RBM17: variants seen among roughly 807,000 people sequenced by gnomAD.
RBM17 encodes splicing factor 45.
In RBM17, 7 loss-of-function variants were observed where a neutral mutation model predicts 53.2. The ratio of observed to expected loss-of-function variants is 0.13; its 90% CI spans 0.07 to 0.25. RBM17 has a LOEUF of 0.25. RBM17 is among the 10% of genes least tolerant of loss of function. The probability of loss-of-function intolerance (pLI) is 1.00; values close to 1 mark genes in which losing one functional copy is unlikely to be tolerated. For synonymous variants in RBM17, 167 were observed against 178.1 expected, an observed-to-expected ratio of 0.94 and a Z score of 0.50; for missense variants, 257 against 496.7, an observed-to-expected ratio of 0.52 and a Z score of 4.59.
intron 1 of RBM17, among the ~76,000 whole-genome samples, chr10:6,090,620 C>T (rs986129072): frequency 1.3e-5 from 2 of 152,114 alleles, no homozygotes; most frequent in African/African-American, 4.8e-5. Flanking sequence ...TCCCATTCTC[C>T]CCTGCCTATG....
chr10:6,106,297 A>C, intron 5 of RBM17, 59 bp downstream of exon 5: 1 of 1,136,108 alleles, frequency 8.8e-7, no homozygotes, highest in Non-Finnish European at 1.3e-6. Flanking sequence ...CAATTCCACT[A>C]TGTGCTTTTT....
chr10:6,095,522 A>G (rs534942312), intron 1 of RBM17, among the ~76,000 whole-genome samples: 28 of 152,206 alleles, frequency 1.8e-4, no homozygotes, highest in African/African-American at 6.7e-4. Context: ...CCATCCCTTC[A>G]TTCTTATGTG....
At chr10:6,110,905 G>T (rs571898949) in intron 7 of RBM17, among the ~76,000 whole-genome samples, 1 of 152,310 alleles carries the variant, frequency 6.6e-6, no homozygotes, top group African/African-American at 2.4e-5. Flanking sequence ...GGCCGTGGCT[G>T]CAGGAAGCTT....
At chr10:6,093,009 CTATT>C (rs1287869704) in intron 1 of RBM17, among the ~76,000 whole-genome samples, 2 of 152,166 alleles carry the variant, frequency 1.3e-5, no homozygotes, top group African/African-American at 4.8e-5. Flanking sequence ...CATTAATTCA[CTATT>C]TAATTTTTGC....
In RBM17 at chr10:6,112,205, G is replaced by A. The variant is rs367924896; in HGVS notation, c.705-5G>A. The A allele has an allele frequency of 4.3e-6, 7 of 1,610,696 alleles. No homozygotes were observed. The highest frequency in any genetic ancestry group is 1.1e-5 in the South Asian group (1 of 91,044). On this transcript the variant is annotated splice_region_variant and splice_polypyrimidine_tract_variant and intron_variant, in intron 7 of 11. Coordinates refer to ENST00000379888, the MANE Select transcript of RBM17 (RefSeq NM_032905.5). This position sits in a 1 kb window ranked among gnomAD's most constrained non-coding sequence, Gnocchi z 4.4. ...TAAGAGTCCTTTCCCTTCTTCTCCT[G>A]CCAGGGGCACGGTGGCGCACAAGAT...
chr10:6,112,156 A>C lies in RBM17; in HGVS notation c.705-54A>C. 6.3e-7 allele frequency: 1 copy of C among 1,582,536 alleles called. No homozygotes were observed. Among genetic ancestry groups the C allele is most frequent in the South Asian group, 1.1e-5 (1 of 88,584 alleles). ...TTGTTGTGATGGAAAAATGCAACCT[A>C]TCTCCAGTTGACGATGTCAAGGCTA... On this transcript the variant is annotated intron_variant, in intron 7 of 11. Coordinates refer to ENST00000379888, the MANE Select transcript of RBM17 (RefSeq NM_032905.5). The surrounding 1 kb of genome is among the most constrained non-coding windows in gnomAD (Gnocchi z 4.4).
chr10:6,090,734 A>G (rs1201199844), intron 1 of RBM17, among the ~76,000 whole-genome samples: 2 of 152,110 alleles, frequency 1.3e-5, no homozygotes, highest in African/African-American at 4.8e-5. Context: ...TTATTCGCCT[A>G]AATTACAGGT....
chr10:6,105,893 C>T lies in RBM17; in HGVS notation c.408-248C>T, dbSNP rs539310769. 4.6e-5 allele frequency among the ~76,000 whole-genome samples: 7 copies of T among 152,034 alleles called. No homozygotes were observed. The East Asian group carries it at 1.3e-3, about 29-fold the overall frequency. On this transcript the variant is annotated intron_variant, in intron 4 of 11. Transcript: ENST00000379888. The stretch of plus-strand genomic sequence containing the variant: ...TTGGAAGAGGTCAATGTCAAGGAAC[C>T]TTTTTTTTCATGCTGGTTGCTCTCG...
In RBM17 at chr10:6,092,570, C is replaced by T. The variant is rs548776399; in HGVS notation, c.-19+3377C>T. Among the ~76,000 whole-genome samples the T allele has an allele frequency of 2.6e-5, 4 of 152,214 alleles. No homozygotes were observed. In the South Asian group the frequency reaches 8.3e-4, roughly 32 times the overall value. ...TTGAGTGTGGTTTCTTAGTCTAGAT[C>T]CTGTCTTGTTTTGGGTGGTGAATTC... On this transcript the variant is annotated intron_variant, in intron 1 of 11. Transcript: ENST00000379888.
intron 1 of RBM17, among the ~76,000 whole-genome samples, chr10:6,095,451 T>A (rs1840557702): frequency 6.6e-6 from 1 of 152,120 alleles, no homozygotes; most frequent in South Asian, 2.1e-4. Flanking sequence ...TGACCTCAAG[T>A]GATCCGCCCA....
At chr10:6,104,098 A>T (rs1183467276) in intron 3 of RBM17, among the ~76,000 whole-genome samples, 1 of 152,222 alleles carries the variant, frequency 6.6e-6, no homozygotes, top group African/African-American at 2.4e-5. Flanking sequence ...AAGTGTGGGA[A>T]GGTTTAGGAA....
intron 7 of RBM17, among the ~76,000 whole-genome samples, chr10:6,111,881 T>TTTTTAATAAA: frequency 6.6e-6 from 1 of 152,356 alleles, no homozygotes; most frequent in East Asian, 1.9e-4. Flanking sequence ...ACTGTGGTCA[T>TTTTTAATAAA]AAGCTATGTG....
intron 1 of RBM17, among the ~76,000 whole-genome samples, chr10:6,094,955 G>A (rs141427915): frequency 1.2e-4 from 19 of 152,300 alleles, no homozygotes; most frequent in East Asian, 1.9e-4. Context: ...GAACAACCTG[G>A]ATCTAGGTTT....
chr10:6,100,706 A>G (rs935217017), intron 2 of RBM17, among the ~76,000 whole-genome samples: 1 of 152,084 alleles, frequency 6.6e-6, no homozygotes, highest in Non-Finnish European at 1.5e-5. Context: ...CATTTTTGGG[A>G]TATCTTGGAG....
chr10:6,094,555 G>A (rs1321498598), intron 1 of RBM17, among the ~76,000 whole-genome samples: 5 of 152,222 alleles, frequency 3.3e-5, no homozygotes, highest in Non-Finnish European at 7.3e-5. Context: ...TGACCAGTTG[G>A]ATGAAGAGGG....
At position 6,108,666 on chromosome 10, in the gene RBM17, T is replaced by C. The variant is rs1365384247; in HGVS notation, c.506-20T>C. On this transcript the variant is annotated intron_variant, in intron 5 of 11. Transcript: ENST00000379888. ...TGGCATCGGAAACCTCCTTTAATGC[T>C]TGGATTTGTGGTTTTGCAGGTATGG... The C allele has an allele frequency of 1.2e-6, 2 of 1,607,962 alleles. No homozygotes were observed. Among genetic ancestry groups the C allele is most frequent in the African/African-American group, 1.3e-5 (1 of 74,918 alleles).
In RBM17 at chr10:6,113,523, C is replaced by T. The variant is rs372269055; in HGVS notation, c.872C>T (p.Ser291Leu). The change falls in exon 9 of 12, where the codon TCA (serine) becomes TTA (leucine). Residue 291 changes from serine to leucine, a missense_variant. Ser to Leu is a moderately radical substitution (Grantham distance 145). Around this residue, in one of 6 missense-constraint regions of RBM17, gnomAD observed 49 missense variants for 114.8 expected, o/e 0.43. Transcript: ENST00000379888. ...TTTGATACAGATGCATCCAAGAAGT[C>T]AGATTCAAATCCGCTGACTGAAATA... ...DATEKDASKKSDSNPLTEILK... is the reference protein window; with the variant it reads ...DATEKDASKKLDSNPLTEILK... The T allele has an allele frequency of 4.0e-5, 64 of 1,612,270 alleles. No homozygotes were observed. The highest frequency in any genetic ancestry group is 5.2e-5 in the Non-Finnish European group (61 of 1,178,592).
At chr10:6,108,780 A>T in intron 6 of RBM17, 38 bp downstream of exon 6, 2 of 1,538,870 alleles carry the variant, frequency 1.3e-6, no homozygotes, top group Non-Finnish European at 1.8e-6. Context: ...ATTCTGATAC[A>T]GGTCTTTAAC....
intron 6 of RBM17, among the ~76,000 whole-genome samples, chr10:6,109,534 C>T (rs536580811): frequency 4.9e-4 from 74 of 152,272 alleles, no homozygotes; most frequent in Non-Finnish European, 8.8e-4. Flanking sequence ...TTGAAGCCAC[C>T]GCTCCAGTGC....
Sources: gnomAD v4.1 joint callset for allele counts (sites outside exome capture counted in the v4.1 genomes callset) on GRCh38, gnomAD v4.1.1 for gene constraint, gnomAD v4.1.1 regional missense constraint, Gnocchi (gnomAD v3.1) non-coding constraint, MANE v1.5 for transcripts, NCBI Gene and HGNC (gene_info 2026-07-23, HGNC 2026-07-21) for gene names.